The following RIOX2 variants were observed in gnomAD, a reference collection of about 807,000 sequenced individuals.
RIOX2 encodes ribosomal oxygenase 2.
Under a neutral mutation model 51.2 loss-of-function variants are expected in RIOX2, and 43 were observed. That is an observed-to-expected ratio of 0.84 (90% CI 0.66 to 1.08). RIOX2 has a LOEUF of 1.08. RIOX2 is among the 50% of genes least tolerant of loss of function. RIOX2 has a pLI of 0.00. For missense variants in RIOX2, 566 were observed against 561.7 expected (o/e 1.01, Z -0.08); for synonymous variants, 226 against 218.5 (o/e 1.03, Z -0.30).
chr3:97,954,401 T>A lies in RIOX2; in HGVS notation c.776A>T (p.Tyr259Phe), dbSNP rs772689808. The part of the protein sequence containing the change: ...AHSTHVTIST[Y>F]QNNSWGDFLL... Reference sequence around the variant, plus strand: ...GGGAGGCAGTGTTTACTTGTTCTGGTAGGTGCTGATGGTCACGTGAGTAGA... The same window carrying A: ...GGGAGGCAGTGTTTACTTGTTCTGGAAGGTGCTGATGGTCACGTGAGTAGA... Residue 259 changes from tyrosine to phenylalanine, a missense_variant, in exon 5 of 10, where the codon TAC becomes TTC. Coordinates refer to ENST00000394198, the MANE Select transcript of RIOX2 (RefSeq NM_153182.4). 9 of 1,612,152 alleles carry A rather than the reference T, an allele frequency of 5.6e-6. No individual in the cohort carries two copies. In the East Asian group the frequency reaches 2.0e-4, roughly 36 times the overall value.
chr3:97,946,604 A>ATATATATATATATATATATATC (rs1553712244), intron 8 of RIOX2, among the ~76,000 whole-genome samples: 6 of 139,718 alleles, frequency 4.3e-5, no homozygotes, highest in South Asian at 2.3e-4. Context: ...ATATATATAT[A>ATATATATATATATATATATATC]TATCTATTCA....
rs144762367 is a variant in RIOX2 at position 97,967,407 on chromosome 3, G to C, written c.187C>G (p.Pro63Ala). The change falls in exon 2 of 10, where the codon CCC becomes GCC. Residue 63 changes from proline (P) to alanine (A), a missense_variant. By Grantham distance (27) the Pro-to-Ala change is conservative. Transcript: ENST00000394198. ...GGGTCATCTCTCTGAATGAGAAGGGGCTTCTGCTCCCAGAATTCCTTGAAA... is the reference window on the plus strand; with the variant it reads ...GGGTCATCTCTCTGAATGAGAAGGGCCTTCTGCTCCCAGAATTCCTTGAAA... ...TFFKEFWEQKPLLIQRDDPAL... is the reference protein window; with the variant it reads ...TFFKEFWEQKALLIQRDDPAL... The C allele has an allele frequency of 1.0e-4, 169 of 1,614,156 alleles. No homozygotes were observed. In the African/African-American group the frequency reaches 1.9e-3, roughly 18 times the overall value.
At chr3:97,968,816 T>C (rs1209121522) in intron 1 of RIOX2, among the ~76,000 whole-genome samples, 2 of 149,334 alleles carry the variant, frequency 1.3e-5, no homozygotes, top group South Asian at 2.2e-4. Flanking sequence ...ACTGTACTTA[T>C]AAAAACCAAA....
At chr3:97,969,776 C>T (rs1290609494) in intron 1 of RIOX2, among the ~76,000 whole-genome samples, 6 of 152,194 alleles carry the variant, frequency 3.9e-5, no homozygotes, top group African/African-American at 1.4e-4. Flanking sequence ...TGTGACCGCT[C>T]GAAGACCCTT....
intron 4 of RIOX2, among the ~76,000 whole-genome samples, chr3:97,958,154 G>A (rs555151121): frequency 2.0e-4 from 31 of 152,260 alleles, no homozygotes; most frequent in African/African-American, 5.8e-4. Context: ...GGTAGGTAAG[G>A]ATTTTGAAAT....
intron 3 of RIOX2, among the ~76,000 whole-genome samples, chr3:97,960,856 A>G (rs932508540): frequency 4.6e-5 from 7 of 152,328 alleles, no homozygotes; most frequent in African/African-American, 1.7e-4. Context: ...GAATGTTGAA[A>G]GGGCCTGGGG....
intron 4 of RIOX2, among the ~76,000 whole-genome samples, chr3:97,957,963 C>T (rs977242914): frequency 4.6e-5 from 7 of 152,238 alleles, no homozygotes; most frequent in Admixed American, 1.3e-4. Context: ...TTCCAATAAA[C>T]TACTTACAAA....
At position 97,945,184 on chromosome 3, in the gene RIOX2, C is replaced by T; in HGVS notation, c.1398G>A (p.Ter466=). The change falls in exon 10 of 10, where the codon TAG becomes TAA. Residue 466 remains the stop codon, a stop_retained_variant. Transcript: ENST00000394198. ...LWTECLIQVV[*] is the part of the protein sequence containing the mutation. The stretch of plus-strand genomic sequence containing the variant: ...GTAGGCATTTGATTCTGCAAAGGCA[C>T]TAGACTACTTGAATTAAACATTCTG... The T allele has an allele frequency of 6.2e-7, 1 of 1,607,896 alleles. No individual in the cohort carries two copies. Among genetic ancestry groups the T allele is most frequent in the Non-Finnish European group, 8.5e-7 (1 of 1,177,306 alleles).
intron 4 of RIOX2, among the ~76,000 whole-genome samples, chr3:97,956,372 T>C (rs1705450519): frequency 6.6e-6 from 1 of 152,224 alleles, no homozygotes; most frequent in East Asian, 1.9e-4. Context: ...AGAGATCCCT[T>C]TTAGTCTCCT....
At chr3:97,962,360 C>CGG (rs1705714199) in intron 2 of RIOX2, among the ~76,000 whole-genome samples, 1 of 86,396 alleles carries the variant, frequency 1.2e-5, no homozygotes, top group Non-Finnish European at 2.3e-5. Context: ...GCTAAGACCC[C>CGG]CCCCCCCCCC....
chr3:97,943,433 A>G lies in RIOX2; in HGVS notation c.*1751T>C. 1.5e-6 allele frequency: 1 copy of G among 652,482 alleles called. No individual in the cohort carries two copies. The highest frequency in any genetic ancestry group is 2.7e-6 in the Non-Finnish European group (1 of 373,766). 40.4% of individuals were successfully genotyped at this position (652,482 alleles called of 1,614,324 possible). ...TCACACTCCTGGATCACTGAGCAGA[A>G]TGAACATTTTCTCCAGCCTCTGAGA... On this transcript the variant is annotated 3_prime_UTR_variant, in exon 10 of 10. Coordinates refer to ENST00000394198, the MANE Select transcript of RIOX2 (RefSeq NM_153182.4).
At position 97,967,199 on chromosome 3, in the gene RIOX2, C is replaced by T. The variant is rs552561147; in HGVS notation, c.395G>A (p.Arg132Lys). Reference sequence around the variant, plus strand: ...AGGTTGGTGAAACTGAATCGTTGCCCTTTTCTGATCAAAATCTTTTCTCAG... The same window carrying T: ...AGGTTGGTGAAACTGAATCGTTGCCTTTTTCTGATCAAAATCTTTTCTCAG... ...LQLRKDFDQKRATIQFHQPQR... is the reference protein window; with the variant it reads ...LQLRKDFDQKKATIQFHQPQR... Residue 132 changes from arginine (R) to lysine (K), a missense_variant, in exon 2 of 10, where the codon AGG (arginine) becomes AAG (lysine). Coordinates refer to ENST00000394198, the MANE Select transcript of RIOX2 (RefSeq NM_153182.4). 2 of 1,614,166 alleles carry T rather than the reference C, an allele frequency of 1.2e-6. No homozygotes were observed. Among genetic ancestry groups the T allele is most frequent in the South Asian group, 2.2e-5 (2 of 91,086 alleles).
intron 1 of RIOX2, among the ~76,000 whole-genome samples, chr3:97,968,355 C>A (rs1214962929): frequency 6.6e-6 from 1 of 152,160 alleles, no homozygotes; most frequent in African/African-American, 2.4e-5. Flanking sequence ...ATATCTAAAG[C>A]CTTGAAAAAA....
chr3:97,968,201 C>T (rs1209808685), intron 1 of RIOX2, among the ~76,000 whole-genome samples: 1 of 152,088 alleles, frequency 6.6e-6, no homozygotes, highest in Non-Finnish European at 1.5e-5. Context: ...AGGCCACTGC[C>T]TTCTCCTGTC....
chr3:97,942,577 T>G lies in RIOX2; in HGVS notation c.*2607A>C. The G allele has an allele frequency of 1.2e-6, 1 of 839,670 alleles. No homozygotes were observed. Among genetic ancestry groups the G allele is most frequent in the Admixed American group, 2.8e-5 (1 of 36,326 alleles). The allele number at this position is 839,670 out of a possible 1,614,324, so 52.0% of individuals were successfully genotyped here. Reference sequence around the variant, plus strand: ...ATTTAAAATTATGCTTGAAGAAAATTAAGATAGGCAGTTTTACAAACAAAA... The same window carrying G: ...ATTTAAAATTATGCTTGAAGAAAATGAAGATAGGCAGTTTTACAAACAAAA... On this transcript the variant is annotated 3_prime_UTR_variant, in exon 10 of 10. Transcript: ENST00000394198.
intron 9 of RIOX2, 33 bp from the exon 10 acceptor site, chr3:97,945,375 G>A: frequency 1.3e-6 from 2 of 1,574,978 alleles, no homozygotes; most frequent in Non-Finnish European, 1.7e-6. Flanking sequence ...CAAAATATAT[G>A]TATACTACTT....
rs534333594 is a variant in RIOX2, at chr3:97,947,376, C to G, written c.1134G>C (p.Pro378=). Residue 378 remains proline, a synonymous_variant, in exon 8 of 10, where the codon CCG becomes CCC. Coordinates refer to ENST00000394198, the MANE Select transcript of RIOX2 (RefSeq NM_153182.4). ...GGATACTCACAGATTGATCTTGATC[C>G]GGCAGTACTGTGAGGACAATGTGGT... ...FKDHIVLTVL[P]DQDQSDEAQE... is the part of the protein sequence containing the mutation. 4 of 1,612,742 alleles carry G rather than the reference C, an allele frequency of 2.5e-6. No individual in the cohort carries two copies. The highest frequency in any genetic ancestry group is 3.4e-6 in the Non-Finnish European group (4 of 1,178,918).
Position 97,950,174 on chromosome 3 carries a change from C to G in RIOX2, c.889-159G>C, listed in dbSNP as rs576803029. ...CAACCTGAGCCCCTAAGAATGATATCTCATCATTTCCTTATAAACACTGTT... is the reference window on the plus strand; with the variant it reads ...CAACCTGAGCCCCTAAGAATGATATGTCATCATTTCCTTATAAACACTGTT... On this transcript the variant is annotated intron_variant, in intron 6 of 9. Coordinates refer to ENST00000394198, the MANE Select transcript of RIOX2 (RefSeq NM_153182.4). The G allele has an allele frequency of 2.5e-5, 17 of 691,592 alleles. No individual in the cohort carries two copies. The Admixed American group carries it at 5.0e-4, about 20-fold the overall frequency. The allele number at this position is 691,592 out of a possible 1,614,324, so 42.8% of individuals were successfully genotyped here.
chr3:97,964,100 A>C (rs1199866801), intron 2 of RIOX2, among the ~76,000 whole-genome samples: 1 of 152,166 alleles, frequency 6.6e-6, no homozygotes. Context: ...AGCGAGCCCA[A>C]GGAGGACCTA....
Sources: allele counts gnomAD v4.1 joint callset (sites outside exome capture counted in the v4.1 genomes callset), GRCh38; gene constraint gnomAD v4.1.1; transcripts MANE v1.5; gene names NCBI Gene and HGNC (gene_info 2026-07-23, HGNC 2026-07-21).